Variants in HTR1E observed in about 807,000 individuals in gnomAD.
HTR1E encodes the protein 5-hydroxytryptamine receptor 1E.
Under a neutral mutation model 3.4 loss-of-function variants are expected in HTR1E, and 3 were observed. The ratio of observed to expected loss-of-function variants is 0.89; its 90% CI spans 0.41 to 2.31. The LOEUF (loss-of-function observed/expected upper bound fraction) is 2.31. HTR1E is among the 30% of genes most tolerant of loss of function. The pLI, the probability that HTR1E is intolerant of heterozygous loss-of-function variation, is 0.05. For synonymous variants in HTR1E, 170 were observed against 182.8 expected (o/e 0.93, Z 0.56); for missense variants, 392 against 467.0 (o/e 0.84, Z 1.48).
intron 1 of HTR1E, among the ~76,000 whole-genome samples, chr6:86,972,341 A>G (rs1767571541): frequency 6.6e-6 from 1 of 152,126 alleles, no homozygotes; most frequent in African/African-American, 2.4e-5. Flanking sequence ...GAATACTTCA[A>G]GGTATTGTTT....
At chr6:86,965,416 G>A (rs890336196) in intron 1 of HTR1E, among the ~76,000 whole-genome samples, 11 of 152,050 alleles carry the variant, frequency 7.2e-5, no homozygotes, top group African/African-American at 1.9e-4. Context: ...TTGGTTTCAC[G>A]TTTTATTCAT....
At chr6:87,010,429 G>C (rs1351589370) in intron 1 of HTR1E, among the ~76,000 whole-genome samples, 3 of 151,648 alleles carry the variant, frequency 2.0e-5, no homozygotes, top group African/African-American at 7.3e-5. Context: ...TCACTTCCCA[G>C]TAGGGGCGAC....
At chr6:86,973,489 T>A (rs945582376) in intron 1 of HTR1E, among the ~76,000 whole-genome samples, 1 of 152,010 alleles carries the variant, frequency 6.6e-6, no homozygotes, top group African/African-American at 2.4e-5. Flanking sequence ...AATCTACCAA[T>A]CAGACCTAAA....
intron 1 of HTR1E, among the ~76,000 whole-genome samples, chr6:86,980,872 G>C (rs902487401): frequency 6.6e-6 from 1 of 152,148 alleles, no homozygotes; most frequent in African/African-American, 2.4e-5. Flanking sequence ...AACCTAAACT[G>C]TGTCCAGGAG....
chr6:86,961,037 C>T (rs1054589288), intron 1 of HTR1E, among the ~76,000 whole-genome samples: 2 of 152,136 alleles, frequency 1.3e-5, no homozygotes, highest in African/African-American at 4.8e-5. Context: ...AATATTGTGC[C>T]AGTGATAAAA....
At chr6:86,980,022 G>A (rs535711489) in intron 1 of HTR1E, among the ~76,000 whole-genome samples, 77 of 152,256 alleles carry the variant, frequency 5.1e-4, no homozygotes, top group African/African-American at 1.8e-3. Flanking sequence ...GCCTCTCACT[G>A]ACCAAATCCA....
chr6:86,976,241 A>G (rs1767637009), intron 1 of HTR1E, among the ~76,000 whole-genome samples: 1 of 152,202 alleles, frequency 6.6e-6, no homozygotes, highest in Non-Finnish European at 1.5e-5. Context: ...GATCTGGGAG[A>G]GAAAAACCAC....
chr6:87,016,481 A>T lies in HTR1E; in HGVS notation c.*49A>T, dbSNP rs1768329033. ...ACTTTTTCCAGAGCCTCATGAGTGG[A>T]TGGGGGTAAGGGGTGCAACTTATTA... is the stretch of plus-strand genomic sequence containing the variant. On this transcript the variant is annotated 3_prime_UTR_variant, in exon 2 of 2. Transcript: ENST00000305344. 6.6e-7 allele frequency: 1 copy of T among 1,507,510 alleles called. No homozygotes were observed. The highest frequency in any genetic ancestry group is 2.0e-5 in the Admixed American group (1 of 49,876). The allele number at this position is 1,507,510 out of a possible 1,614,324, so 93.4% of individuals were successfully genotyped here.
At chr6:86,947,776 T>C (rs879867456) in intron 1 of HTR1E, among the ~76,000 whole-genome samples, 3 of 152,240 alleles carry the variant, frequency 2.0e-5, no homozygotes, top group Non-Finnish European at 2.9e-5. Flanking sequence ...ATATCCAAAG[T>C]GGAATTTGGA....
intron 1 of HTR1E, among the ~76,000 whole-genome samples, chr6:86,955,729 A>AGTGTGT (rs112796465): frequency 1.1e-4 from 17 of 150,260 alleles, no homozygotes; most frequent in African/African-American, 3.7e-4. Flanking sequence ...TGAGTGAGAG[A>AGTGTGT]GAGTGTGTGT....
At chr6:86,962,241 AC>A (rs1389804155) in intron 1 of HTR1E, among the ~76,000 whole-genome samples, 2 of 152,228 alleles carry the variant, frequency 1.3e-5, no homozygotes, top group African/African-American at 4.8e-5. Flanking sequence ...AAATAAAAAA[AC>A]ATTTTCCTGG....
chr6:86,978,502 A>T (rs1767669276), intron 1 of HTR1E, among the ~76,000 whole-genome samples: 1 of 152,182 alleles, frequency 6.6e-6, no homozygotes, highest in Admixed American at 6.5e-5. Flanking sequence ...TATGGAAAGC[A>T]TTTATGTCTT....
At chr6:86,937,946 G>C (rs1768493564) in intron 1 of HTR1E, 123 bp downstream of exon 1, 1 of 152,788 alleles carries the variant, frequency 6.5e-6, no homozygotes. Context: ...GCGGGAGTTG[G>C]GATGCGGGGT....
At chr6:87,010,708 C>T (rs1271093936) in intron 1 of HTR1E, among the ~76,000 whole-genome samples, 2 of 148,676 alleles carry the variant, frequency 1.3e-5, no homozygotes, top group Admixed American at 6.7e-5. Context: ...AGACGATGGG[C>T]GGCCAGGCAG....
In HTR1E at chr6:86,979,156, G is replaced by A. The variant is rs1240111195; in HGVS notation, c.-185-35994G>A. On this transcript the variant is annotated intron_variant, in intron 1 of 1. Transcript: ENST00000305344. Reference sequence around the variant, plus strand: ...TGTACAGAGTTAATGTTTACTCTTAGGATTTTATTTTGATTTTTTTGCACA... The same window carrying A: ...TGTACAGAGTTAATGTTTACTCTTAAGATTTTATTTTGATTTTTTTGCACA... 2.6e-5 allele frequency among the ~76,000 whole-genome samples: 4 copies of A among 152,200 alleles called. No individual in the cohort carries two copies. In the South Asian group the frequency reaches 6.2e-4, roughly 24 times the overall value.
At position 87,016,653 on chromosome 6, in the gene HTR1E, T is replaced by A. The variant is rs1582289757; in HGVS notation, c.*221T>A. ...CTGGTCTTATCTGTGATACATAATT[T>A]CAAATAAACATTATCATACAAAAAC... On this transcript the variant is annotated 3_prime_UTR_variant, in exon 2 of 2. Coordinates refer to ENST00000305344, the MANE Select transcript of HTR1E (RefSeq NM_000865.3). The A allele has an allele frequency of 2.5e-6, 1 of 394,448 alleles. No homozygotes were observed. Among genetic ancestry groups the A allele is most frequent in the African/African-American group, 2.1e-5 (1 of 48,520 alleles). The allele number at this position is 394,448 out of a possible 1,614,324, so 24.4% of individuals were successfully genotyped here. A position where few individuals can be genotyped will look rare whatever the true frequency, so the allele number is the denominator to read the frequency against.
intron 1 of HTR1E, chr6:86,970,925 G>A (rs1001937709): frequency 3.2e-6 from 1 of 314,540 alleles, no homozygotes; most frequent in Non-Finnish European, 6.1e-6. Context: ...CTACAACAGT[G>A]GTTATGGCAA....
intron 1 of HTR1E, among the ~76,000 whole-genome samples, chr6:86,958,937 C>CGTGTGTGTGTGTGT (rs55871033): frequency 5.7e-5 from 8 of 140,078 alleles, no homozygotes; most frequent in South Asian, 2.5e-4. Flanking sequence ...ACCAATTGCA[C>CGTGTGTGTGTGTGT]GTGTGTGTGT....
intron 1 of HTR1E, among the ~76,000 whole-genome samples, chr6:86,956,658 G>A (rs894972311): frequency 2.0e-5 from 3 of 151,910 alleles, no homozygotes; most frequent in African/African-American, 7.3e-5. Context: ...CATGTTCTCC[G>A]ACCCTCCTGA....
Sources: allele counts gnomAD v4.1 joint callset (sites outside exome capture counted in the v4.1 genomes callset), GRCh38; gene constraint gnomAD v4.1.1; transcripts MANE v1.5; gene names NCBI Gene and HGNC (gene_info 2026-07-23, HGNC 2026-07-21).